Variants in CHST8 observed in about 807,000 individuals in gnomAD.
CHST8 encodes the protein GALNAC-4-ST1.
CHST8 carries 10 observed loss-of-function variants against 15.0 expected under a neutral mutation model. That is an observed-to-expected ratio of 0.67 (90% CI 0.41 to 1.13). The LOEUF is 1.13. CHST8 is among the 50% of genes most tolerant of loss of function. CHST8 has a pLI of 0.00. For synonymous variants in CHST8, 259 were observed against 256.6 expected, an observed-to-expected ratio of 1.01 and a Z score of -0.09; for missense variants, 634 against 608.2, an observed-to-expected ratio of 1.04 and a Z score of -0.45.
intron 3 of CHST8, among the ~76,000 whole-genome samples, chr19:33,758,805 C>T (rs1330541590): frequency 6.6e-6 from 1 of 152,166 alleles, no homozygotes; most frequent in Non-Finnish European, 1.5e-5. Context: ...CACATTCTTG[C>T]ACTGCTATAA....
chr19:33,676,667 GGAGTTTAA>G (rs1215970616), intron 2 of CHST8, among the ~76,000 whole-genome samples: 1 of 152,104 alleles, frequency 6.6e-6, no homozygotes, highest in East Asian at 1.9e-4. Context: ...CATGAGGCCA[GGAGTTTAA>G]GACCAGCCTG....
intron 3 of CHST8, among the ~76,000 whole-genome samples, chr19:33,720,792 A>G (rs868480377): frequency 3.9e-5 from 6 of 152,354 alleles, no homozygotes; most frequent in South Asian, 2.1e-4. Flanking sequence ...TCCTTCCACT[A>G]TGCAGTTCCT....
At chr19:33,684,066 T>C (rs912603755) in intron 2 of CHST8, among the ~76,000 whole-genome samples, 2 of 152,252 alleles carry the variant, frequency 1.3e-5, no homozygotes, top group African/African-American at 4.8e-5. Flanking sequence ...GGCCACGCTC[T>C]CAGGCCCCCC....
rs1189058497 is a variant in CHST8, at chr19:33,773,042, G to A, written c.1254G>A (p.Lys418=). 5 of 1,608,126 alleles carry A rather than the reference G, an allele frequency of 3.1e-6. No individual in the cohort carries two copies. In the East Asian group the frequency reaches 6.7e-5, roughly 22 times the overall value. ...ATTACCTGATGTTCAACTATTCCAA[G>A]CCCTTTGCAGATCTGTACTGAGGGG... The part of the protein sequence containing the change: ...YMDYLMFNYS[K]PFADLY Residue 418 remains lysine (K), a synonymous_variant, in exon 5 of 5, where the codon AAG becomes AAA. Coordinates refer to ENST00000650847, the MANE Select transcript of CHST8 (RefSeq NM_001127895.2).
intron 1 of CHST8, among the ~76,000 whole-genome samples, chr19:33,638,315 A>G (rs765635705): frequency 3.3e-5 from 5 of 152,138 alleles, no homozygotes; most frequent in Non-Finnish European, 7.4e-5. Context: ...TTAATTACCC[A>G]AGCTTAAACG....
intron 3 of CHST8, among the ~76,000 whole-genome samples, chr19:33,713,120 G>GCCCCT (rs1047470536): frequency 2.0e-5 from 3 of 152,106 alleles, no homozygotes; most frequent in African/African-American, 7.2e-5. Flanking sequence ...TCTGACATAA[G>GCCCCT]CCCCTCCATC....
chr19:33,669,855 G>A (rs765530363), intron 2 of CHST8, among the ~76,000 whole-genome samples: 1 of 152,222 alleles, frequency 6.6e-6, no homozygotes, highest in Non-Finnish European at 1.5e-5. Context: ...GGCCGAAGAT[G>A]ATATCATTGA....
intron 2 of CHST8, among the ~76,000 whole-genome samples, chr19:33,677,162 G>C (rs957804655): frequency 3.3e-5 from 5 of 152,110 alleles, no homozygotes; most frequent in African/African-American, 9.7e-5. Context: ...AGCCGGCAGG[G>C]GGGGGCACTG....
intron 1 of CHST8, among the ~76,000 whole-genome samples, chr19:33,625,753 T>C (rs1972044298): frequency 6.6e-6 from 1 of 152,030 alleles, no homozygotes; most frequent in Admixed American, 6.5e-5. Flanking sequence ...TCCCAGCTAC[T>C]CAGGAGGCTG....
At chr19:33,761,168 C>A (rs1178571320) in intron 3 of CHST8, among the ~76,000 whole-genome samples, 1 of 152,328 alleles carries the variant, frequency 6.6e-6, no homozygotes, top group African/African-American at 2.4e-5. Context: ...GCAGCAGCAA[C>A]CACTAGCTCT....
At chr19:33,663,587 G>A (rs11673540) in intron 1 of CHST8, among the ~76,000 whole-genome samples, 1 of 152,086 alleles carries the variant, frequency 6.6e-6, no homozygotes, top group Admixed American at 6.6e-5. Flanking sequence ...AAAAGCAGGA[G>A]GGGCCAGGTG....
At chr19:33,661,949 T>A (rs1329582719) in intron 1 of CHST8, among the ~76,000 whole-genome samples, 1 of 151,372 alleles carries the variant, frequency 6.6e-6, no homozygotes, top group African/African-American at 2.4e-5. Flanking sequence ...GGCAGGAGGA[T>A]CACTTGAGCC....
intron 3 of CHST8, among the ~76,000 whole-genome samples, chr19:33,695,127 T>A (rs1973186401): frequency 6.6e-6 from 1 of 152,096 alleles, no homozygotes; most frequent in Non-Finnish European, 1.5e-5. Flanking sequence ...TTTTATTTTT[T>A]ATACAGACAG....
intron 3 of CHST8, among the ~76,000 whole-genome samples, chr19:33,767,104 G>T (rs1974864143): frequency 6.9e-6 from 1 of 145,718 alleles, no homozygotes; most frequent in Non-Finnish European, 1.5e-5. Flanking sequence ...AGGGCTCGGG[G>T]CTGGGACATG....
intron 3 of CHST8, among the ~76,000 whole-genome samples, chr19:33,727,898 C>T (rs915471621): frequency 6.6e-6 from 1 of 152,218 alleles, no homozygotes; most frequent in Non-Finnish European, 1.5e-5. Flanking sequence ...GCCCTTCACT[C>T]GGCTGGGCTG....
At chr19:33,623,919 A>G (rs911695230) in intron 1 of CHST8, among the ~76,000 whole-genome samples, 1 of 152,086 alleles carries the variant, frequency 6.6e-6, no homozygotes, top group Admixed American at 6.5e-5. Flanking sequence ...TAACATTGGA[A>G]CCCTGAAGAG....
At chr19:33,733,194 A>C (rs891724300) in intron 3 of CHST8, among the ~76,000 whole-genome samples, 1 of 150,996 alleles carries the variant, frequency 6.6e-6, no homozygotes, top group Non-Finnish European at 1.5e-5. Context: ...TTTTTGAAGC[A>C]CTGTGTCTGG....
chr19:33,711,652 G>A (rs1433923901), intron 3 of CHST8, among the ~76,000 whole-genome samples: 1 of 151,904 alleles, frequency 6.6e-6, no homozygotes, highest in Non-Finnish European at 1.5e-5. Flanking sequence ...ACTTTTTTTG[G>A]TGAGACAGAA....
chr19:33,666,491 G>A (rs1045849518), intron 1 of CHST8, among the ~76,000 whole-genome samples: 1 of 152,196 alleles, frequency 6.6e-6, no homozygotes, highest in South Asian at 2.1e-4. Context: ...GAGTTACACT[G>A]CAGAGAAGAG....
Sources: gnomAD v4.1 joint callset for allele counts (sites outside exome capture counted in the v4.1 genomes callset) on GRCh38, gnomAD v4.1.1 for gene constraint, MANE v1.5 for transcripts, NCBI Gene and HGNC (gene_info 2026-07-23, HGNC 2026-07-21) for gene names.